Variants in GRM7 observed in about 807,000 individuals in gnomAD.
The protein encoded by GRM7 is glutamate metabotropic receptor 7.
GRM7 carries 35 observed loss-of-function variants against 84.5 expected under a neutral mutation model. The ratio of observed to expected loss-of-function variants is 0.41; its 90% confidence interval spans 0.32 to 0.55. The LOEUF (loss-of-function observed/expected upper bound fraction) is 0.55. Among genes scored for constraint, GRM7 ranks in the 20% least tolerant of loss-of-function variants. The probability of loss-of-function intolerance (pLI) is 0.19; values close to 1 mark genes in which losing one functional copy is unlikely to be tolerated. For synonymous variants in GRM7, 487 were observed against 455.1 expected (o/e 1.07, Z -0.89); for missense variants, 1,003 against 1,194.6 (o/e 0.84, Z 2.36).
chr3:7,475,257 A>G (rs1035553336), intron 7 of GRM7, among the ~76,000 whole-genome samples: 2 of 152,170 alleles, frequency 1.3e-5, no homozygotes, highest in African/African-American at 4.8e-5. Flanking sequence ...TGAATAGGAA[A>G]CCAGCACCTT....
intron 1 of GRM7, among the ~76,000 whole-genome samples, chr3:7,076,535 C>T (rs1475203216): frequency 6.6e-6 from 1 of 152,110 alleles, no homozygotes; most frequent in Non-Finnish European, 1.5e-5. Flanking sequence ...TGTCAGTTTC[C>T]TAAGGCCTCC....
intron 8 of GRM7, among the ~76,000 whole-genome samples, chr3:7,651,041 C>T (rs1698912705): frequency 9.0e-6 from 1 of 111,580 alleles, no homozygotes; most frequent in South Asian, 2.7e-4. Context: ...AAGAAGGCAG[C>T]CTCTTTTTCT....
chr3:7,346,740 G>A (rs1043054677), intron 4 of GRM7, among the ~76,000 whole-genome samples: 3 of 152,032 alleles, frequency 2.0e-5, no homozygotes, highest in African/African-American at 4.8e-5. Flanking sequence ...CAGAATATAC[G>A]TGTTTTTAAA....
At chr3:7,374,568 T>A (rs576164447) in intron 4 of GRM7, among the ~76,000 whole-genome samples, 2 of 151,944 alleles carry the variant, frequency 1.3e-5, no homozygotes, top group African/African-American at 4.8e-5. Flanking sequence ...AACCTCTGCC[T>A]CCAGGGTTCA....
In GRM7 at chr3:6,946,006, G is replaced by T. The variant is rs189814049; in HGVS notation, c.519+84099G>T. Among the ~76,000 whole-genome samples, 21 of 152,246 alleles carry T rather than the reference G, an allele frequency of 1.4e-4. No homozygotes were observed. The East Asian group carries it at 3.9e-3, about 28-fold the overall frequency. Reference sequence around the variant, plus strand: ...TGCGAAAATTTTCTCCCGTTTTGTAGGTTGCCTGTTCACTATGACAGTGAT... The same window carrying T: ...TGCGAAAATTTTCTCCCGTTTTGTATGTTGCCTGTTCACTATGACAGTGAT... On this transcript the variant is annotated intron_variant, in intron 1 of 9. Coordinates refer to ENST00000357716, the MANE Select transcript of GRM7 (RefSeq NM_000844.4).
intron 8 of GRM7, among the ~76,000 whole-genome samples, chr3:7,650,169 A>G (rs977866185): frequency 1.3e-5 from 2 of 151,950 alleles, no homozygotes; most frequent in Non-Finnish European, 2.9e-5. Flanking sequence ...GGTTAATGCT[A>G]TTAAGTAACA....
At chr3:7,328,331 G>A (rs996184861) in intron 4 of GRM7, among the ~76,000 whole-genome samples, 1 of 152,156 alleles carries the variant, frequency 6.6e-6, no homozygotes, top group Non-Finnish European at 1.5e-5. Context: ...AAGGTTTGAT[G>A]TAAGAGAAAC....
At chr3:6,881,921 T>TTGTGTG (rs3060190) in intron 1 of GRM7, among the ~76,000 whole-genome samples, 3,507 of 144,652 alleles carry the variant, frequency 0.024, 90 homozygotes, top group African/African-American at 0.059. Flanking sequence ...GGCAATTGAA[T>TTGTGTG]TGTGTGTGTG....
At chr3:7,565,903 G>A (rs78768581) in intron 7 of GRM7, among the ~76,000 whole-genome samples, 1,899 of 152,270 alleles carry the variant, frequency 0.012, 20 homozygotes, top group Non-Finnish European at 0.016. Context: ...AACTCAGTAA[G>A]TACTGCACAT....
chr3:7,275,493 G>A (rs2124984894), intron 2 of GRM7, among the ~76,000 whole-genome samples: 1 of 152,220 alleles, frequency 6.6e-6, no homozygotes, highest in South Asian at 2.1e-4. Context: ...CTGTGCCTCT[G>A]CACTGTGAAC....
intron 1 of GRM7, among the ~76,000 whole-genome samples, chr3:7,020,392 A>G (rs1373638971): frequency 6.6e-6 from 1 of 152,174 alleles, no homozygotes; most frequent in Non-Finnish European, 1.5e-5. Flanking sequence ...GGGGATTTTT[A>G]TAGCAGTGAA....
chr3:7,284,505 G>C (rs886950399), intron 2 of GRM7, among the ~76,000 whole-genome samples: 2 of 152,046 alleles, frequency 1.3e-5, no homozygotes, highest in Non-Finnish European at 2.9e-5. Context: ...AATTTATCTT[G>C]CCTCTTTATC....
intron 8 of GRM7, among the ~76,000 whole-genome samples, chr3:7,582,159 G>T (rs942137974): frequency 6.6e-6 from 1 of 152,146 alleles, no homozygotes; most frequent in Non-Finnish European, 1.5e-5. Flanking sequence ...ATTTTGTTCT[G>T]GCACTATCTG....
intron 7 of GRM7, among the ~76,000 whole-genome samples, chr3:7,491,530 G>T (rs1052016232): frequency 1.3e-5 from 2 of 152,268 alleles, no homozygotes; most frequent in South Asian, 4.1e-4. Context: ...ATTGCCCTGG[G>T]CTCCCAGGAA....
Position 6,862,506 on chromosome 3 carries a change from C to G in GRM7, c.519+599C>G, listed in dbSNP as rs1284552425. Among the ~76,000 whole-genome samples, 2 of 152,150 alleles carry G rather than the reference C, an allele frequency of 1.3e-5. No homozygotes were observed. The highest frequency in any genetic ancestry group is 2.9e-5 in the Non-Finnish European group (2 of 68,044). ...CCAGCCTCCGCGAGAGCCCAGGGCG[C>G]GAGGTGCTGGGACCTTCCTCAGGTG... On this transcript the variant is annotated intron_variant, in intron 1 of 9. Transcript: ENST00000357716. The surrounding 1 kb of genome is among the most constrained non-coding windows in gnomAD (Gnocchi z 5.2).
chr3:6,882,558 TA>T (rs1695551187), intron 1 of GRM7, among the ~76,000 whole-genome samples: 1 of 151,598 alleles, frequency 6.6e-6, no homozygotes, highest in Non-Finnish European at 1.5e-5. Context: ...AAAAAAAAAA[TA>T]AAAAGTATAA....
intron 9 of GRM7, among the ~76,000 whole-genome samples, chr3:7,730,330 T>C (rs1702280672): frequency 6.6e-6 from 1 of 152,172 alleles, no homozygotes; most frequent in Admixed American, 6.5e-5. Context: ...TTTGTTTGTT[T>C]GTTTTAAGAT....
chr3:7,367,694 T>C (rs1455197979), intron 4 of GRM7, among the ~76,000 whole-genome samples: 1 of 151,706 alleles, frequency 6.6e-6, no homozygotes, highest in East Asian at 1.9e-4. Flanking sequence ...AACAGTGTAG[T>C]GTGGAATGGT....
At chr3:7,257,826 T>C (rs980156912) in intron 2 of GRM7, among the ~76,000 whole-genome samples, 4 of 152,196 alleles carry the variant, frequency 2.6e-5, no homozygotes, top group African/African-American at 9.6e-5. Context: ...CCTTCTGAGA[T>C]ATTCCTACAC....
Sources: allele counts gnomAD v4.1 joint callset (sites outside exome capture counted in the v4.1 genomes callset), GRCh38; gene constraint gnomAD v4.1.1; non-coding constraint Gnocchi (gnomAD v3.1); transcripts MANE v1.5; gene names NCBI Gene and HGNC (gene_info 2026-07-23, HGNC 2026-07-21).